Variants in KIF2C observed in about 807,000 individuals in gnomAD.
KIF2C encodes kinesin family member 2C.
KIF2C carries 34 observed loss-of-function variants against 97.4 expected under a neutral mutation model. The observed-to-expected ratio is 0.35, with a 90% CI of 0.27 to 0.46. The LOEUF (loss-of-function observed/expected upper bound fraction) is 0.46. Ranked by LOEUF, KIF2C falls within the 20% of genes least tolerant of loss-of-function variation. KIF2C has a pLI of 1.00. For missense variants in KIF2C, 750 were observed against 907.6 expected (o/e 0.83, Z 2.23); for synonymous variants, 313 against 318.2 (o/e 0.98, Z 0.17).
rs79264556 is a variant in KIF2C, at chr1:44,759,340, C to T, written c.1359C>T (p.Ser453=). ...DDVIKMIDMG[S]ACRTSGQTFA... Reference sequence around the variant, plus strand: ...TCATCAAGATGATCGACATGGGCAGCGCCTGCAGGTGAGAGTCCTGGTGAG... The same window carrying T: ...TCATCAAGATGATCGACATGGGCAGTGCCTGCAGGTGAGAGTCCTGGTGAG... Residue 453 remains serine (S), a synonymous_variant, in exon 14 of 21, where the codon AGC becomes AGT. Transcript: ENST00000372224. 4.6e-4 allele frequency: 740 copies of T among 1,614,012 alleles called. 2 individuals are homozygous for T. The highest frequency in any genetic ancestry group is 1.4e-3 in the East Asian group (61 of 44,886).
At chr1:44,754,211 G>C (rs565465300) in intron 7 of KIF2C, among the ~76,000 whole-genome samples, 1 of 152,140 alleles carries the variant, frequency 6.6e-6, no homozygotes, top group South Asian at 2.1e-4. Flanking sequence ...ATGAGCTGTT[G>C]CGCCTGGCCT....
intron 4 of KIF2C, among the ~76,000 whole-genome samples, chr1:44,748,996 T>C (rs1389289608): frequency 6.6e-6 from 1 of 151,884 alleles, no homozygotes; most frequent in East Asian, 1.9e-4. Flanking sequence ...CTCATTTTAA[T>C]GGAAAAAAAA....
chr1:44,762,273 C>G (rs780646298), intron 17 of KIF2C, 73 bp from the exon 18 acceptor site: 4 of 1,362,118 alleles, frequency 2.9e-6, no homozygotes, highest in Non-Finnish European at 4.2e-6. Context: ...GCCTCGAAGC[C>G]TGGGCGGTGC....
rs1449931592 is a variant in KIF2C at position 44,761,693 on chromosome 1, A to T, written c.1684-223A>T. 2.0e-5 allele frequency among the ~76,000 whole-genome samples: 3 copies of T among 152,186 alleles called. No homozygotes were observed. The East Asian group carries it at 5.8e-4, about 29-fold the overall frequency. On this transcript the variant is annotated intron_variant, in intron 16 of 20. Transcript: ENST00000372224. ...GAATAATGAAGCAAAAGATAATTAGATGTGTCTTTGAAAGCAGGAAACCAA... is the reference window on the plus strand; with the variant it reads ...GAATAATGAAGCAAAAGATAATTAGTTGTGTCTTTGAAAGCAGGAAACCAA...
At chr1:44,741,193 GCCAA>G (rs1648918146) in intron 2 of KIF2C, among the ~76,000 whole-genome samples, 186 bp downstream of exon 2, 1 of 152,036 alleles carries the variant, frequency 6.6e-6, no homozygotes, top group African/African-American at 2.4e-5. Flanking sequence ...GACCATCCTG[GCCAA>G]CATGGCGAAA....
chr1:44,742,728 AAAAAAAAAAC>A lies in KIF2C; in HGVS notation c.165+1725_165+1734del, dbSNP rs1430515223. ...AGTGAAACTTCGTCTCAAAAAAAAA[AAAAAAAAAAC>A]AAACTGCACAGAATTTTAGGTTTTA... On this transcript the variant is annotated intron_variant, in intron 2 of 20. Coordinates refer to ENST00000372224, the MANE Select transcript of KIF2C (RefSeq NM_006845.4). Among the ~76,000 whole-genome samples the A allele has an allele frequency of 2.2e-4, 33 of 152,024 alleles. No homozygotes were observed. The East Asian group carries it at 5.8e-3, about 27-fold the overall frequency.
Position 44,766,806 on chromosome 1 carries a change from A to G in KIF2C, c.1972-20A>G. On this transcript the variant is annotated intron_variant, in intron 19 of 20. Coordinates refer to ENST00000372224, the MANE Select transcript of KIF2C (RefSeq NM_006845.4). Reference sequence around the variant, plus strand: ...TTGCTAAATGGTTATTGAACTGACAAGGTCCTCCCTGTGTTGTAGCAAGGA... The same window carrying G: ...TTGCTAAATGGTTATTGAACTGACAGGGTCCTCCCTGTGTTGTAGCAAGGA... 2 of 1,613,164 alleles carry G rather than the reference A, an allele frequency of 1.2e-6. No homozygotes were observed. Among genetic ancestry groups the G allele is most frequent in the Middle Eastern group, 3.3e-4 (2 of 6,056 alleles).
At chr1:44,740,779 G>GTTT (rs11403922) in intron 1 of KIF2C, 134 bp from the exon 2 acceptor site, 2,504 of 250,176 alleles carry the variant, frequency 0.01, 2 homozygotes, top group South Asian at 0.023. Flanking sequence ...GTTTCTCTTA[G>GTTT]TTTTTTTTTT....
At position 44,739,955 on chromosome 1, in the gene KIF2C, A is replaced by G. The variant is rs773918728; in HGVS notation, c.23A>G (p.Gln8Arg). MAMDSSL[Q>R]ARLFPGLAIK... ...CGAATGGCCATGGACTCGTCGCTTC[A>G]GGCCCGCCTGTTTCCCGGTCTCGCT... Residue 8 changes from glutamine to arginine, a missense_variant, in exon 1 of 21, where the codon CAG becomes CGG. Physicochemically the swap from Gln to Arg is conservative, Grantham distance 43. Coordinates refer to ENST00000372224, the MANE Select transcript of KIF2C (RefSeq NM_006845.4). The G allele has an allele frequency of 2.5e-6, 4 of 1,614,096 alleles. No homozygotes were observed.
intron 19 of KIF2C, among the ~76,000 whole-genome samples, chr1:44,765,389 C>T (rs1343800426): frequency 1.3e-5 from 2 of 152,168 alleles, no homozygotes; most frequent in Non-Finnish European, 2.9e-5. Context: ...AGCACACCAA[C>T]ATAGTTCATG....
In KIF2C at chr1:44,739,960, C is replaced by T. The variant is rs1220206116; in HGVS notation, c.28C>T (p.Arg10Cys). 3 of 1,614,098 alleles carry T rather than the reference C, an allele frequency of 1.9e-6. No homozygotes were observed. Among genetic ancestry groups the T allele is most frequent in the Non-Finnish European group, 2.5e-6 (3 of 1,180,048 alleles). MAMDSSLQA[R>C]LFPGLAIKIQ... ...GGCCATGGACTCGTCGCTTCAGGCC[C>T]GCCTGTTTCCCGGTCTCGCTATCAA... Residue 10 changes from arginine (R) to cysteine (C), a missense_variant, in exon 1 of 21, where the codon CGC becomes TGC. Transcript: ENST00000372224.
rs1649927116 is a variant in KIF2C, at chr1:44,757,944, G to A, written c.1105G>A (p.Ala369Thr). 6.2e-7 allele frequency: 1 copy of A among 1,614,184 alleles called. No homozygotes were observed. Residue 369 changes from alanine (A) to threonine (T), a missense_variant, in exon 12 of 21, where the codon GCA becomes ACA. By Grantham distance (58) the Ala-to-Thr change is moderately conservative. Coordinates refer to ENST00000372224, the MANE Select transcript of KIF2C (RefSeq NM_006845.4). ...GGDLSGKAQN[A>T]SKGIYAMASR... ...AGACCTCTCTGGGAAAGCCCAGAATGCATCCAAAGGGATCTATGCCATGGC... is the reference window on the plus strand; with the variant it reads ...AGACCTCTCTGGGAAAGCCCAGAATACATCCAAAGGGATCTATGCCATGGC...
rs772870189 is a variant in KIF2C at position 44,740,087 on chromosome 1, GC to G, written c.70+86del. 53 of 1,474,044 alleles carry G rather than the reference GC, an allele frequency of 3.6e-5. No homozygotes were observed. In the Admixed American group the frequency reaches 7.4e-4, roughly 20 times the overall value. The allele number at this position is 1,474,044 out of a possible 1,614,324, so 91.3% of individuals were successfully genotyped here. ...TGCCCGTCCCCGGACACACAGATGG[GC>G]TTTCACTCTCTTTCTCTCCCTCCCT... is the stretch of plus-strand genomic sequence containing the variant. On this transcript the variant is annotated intron_variant, in intron 1 of 20. Transcript: ENST00000372224.
intron 19 of KIF2C, 127 bp from the exon 20 acceptor site, chr1:44,766,699 A>G: frequency 1.0e-6 from 1 of 954,104 alleles, no homozygotes; most frequent in Non-Finnish European, 1.5e-6. Flanking sequence ...GAGGGTGAAC[A>G]GCCAGGGTAT....
chr1:44,759,321 A>G lies in KIF2C; in HGVS notation c.1340A>G (p.Lys447Arg), dbSNP rs1650015337. 2 of 1,614,202 alleles carry G rather than the reference A, an allele frequency of 1.2e-6. No individual in the cohort carries two copies. The highest frequency in any genetic ancestry group is 1.3e-5 in the African/African-American group (1 of 75,062). The stretch of plus-strand genomic sequence containing the variant: ...GTTAACTCTGCTGATGATGTCATCA[A>G]GATGATCGACATGGGCAGCGCCTGC... Reference protein sequence around the residue: ...HLVNSADDVIKMIDMGSACRT... With the variant: ...HLVNSADDVIRMIDMGSACRT... The change falls in exon 14 of 21, where the codon AAG (lysine) becomes AGG (arginine). Residue 447 changes from lysine to arginine, a missense_variant. Physicochemically the swap from Lys to Arg is conservative, Grantham distance 26. Transcript: ENST00000372224.
At chr1:44,763,582 C>G (rs1446554414) in intron 19 of KIF2C, among the ~76,000 whole-genome samples, 1 of 152,124 alleles carries the variant, frequency 6.6e-6, no homozygotes, top group East Asian at 1.9e-4. Context: ...CAGGCCTGGA[C>G]TGCATCATGA....
intron 8 of KIF2C, 37 bp from the exon 9 acceptor site, chr1:44,755,892 C>G (rs112425432): frequency 6.2e-7 from 1 of 1,607,076 alleles, no homozygotes; most frequent in African/African-American, 1.3e-5. Flanking sequence ...TTGCTCTGAC[C>G]CTTTGCTGTT....
rs142645209 is a variant in KIF2C, at chr1:44,759,332, A to G, written c.1351A>G (p.Met451Val). 4.5e-5 allele frequency: 73 copies of G among 1,614,172 alleles called. No homozygotes were observed. The East Asian group carries it at 1.6e-3, about 34-fold the overall frequency. Residue 451 changes from methionine to valine, a missense_variant, in exon 14 of 21, where the codon ATG (methionine) becomes GTG (valine). Met to Val is a conservative substitution (Grantham distance 21, BLOSUM62 1). Transcript: ENST00000372224. ...SADDVIKMID[M>V]GSACRTSGQT... ...TGATGATGTCATCAAGATGATCGAC[A>G]TGGGCAGCGCCTGCAGGTGAGAGTC...
intron 10 of KIF2C, 25 bp from the exon 11 acceptor site, chr1:44,757,531 T>A: frequency 6.7e-7 from 1 of 1,493,538 alleles, no homozygotes; most frequent in South Asian, 1.1e-5. Flanking sequence ...TGGGAACAGA[T>A]ACAAATACTC....
Sources: gnomAD v4.1 joint callset for allele counts (sites outside exome capture counted in the v4.1 genomes callset) on GRCh38, gnomAD v4.1.1 for gene constraint, MANE v1.5 for transcripts, NCBI Gene and HGNC (gene_info 2026-07-23, HGNC 2026-07-21) for gene names.